The following YIPF5 variants were observed in gnomAD, a reference collection of about 807,000 sequenced individuals.
YIPF5 encodes the protein protein YIPF5.
Under a neutral mutation model 30.4 loss-of-function variants are expected in YIPF5, and 8 were observed. The observed-to-expected ratio is 0.26, with a 90% CI of 0.15 to 0.47. YIPF5 has a LOEUF of 0.47. Among genes scored for constraint, YIPF5 ranks in the 20% least tolerant of loss-of-function variants. The probability of loss-of-function intolerance (pLI) is 0.99; values close to 1 mark genes in which losing one functional copy is unlikely to be tolerated. For missense variants in YIPF5, 282 were observed against 301.8 expected (o/e 0.93, Z 0.49); for synonymous variants, 104 against 107.9 (o/e 0.96, Z 0.23).
At chr5:144,160,886 C>T (rs1752019604) in intron 5 of YIPF5, among the ~76,000 whole-genome samples, 1 of 152,234 alleles carries the variant, frequency 6.6e-6, no homozygotes, top group South Asian at 2.1e-4. Flanking sequence ...TGTGCACTGT[C>T]AGAATGTTCA....
At chr5:144,161,349 T>C (rs1475743113) in intron 5 of YIPF5, among the ~76,000 whole-genome samples, 7 of 143,928 alleles carry the variant, frequency 4.9e-5, no homozygotes, top group Admixed American at 1.4e-4. Context: ...TTTTTTTTTT[T>C]TTTTTTTTTT....
At chr5:144,170,179 C>T in intron 1 of YIPF5, 1 of 545,490 alleles carries the variant, frequency 1.8e-6, no homozygotes. Context: ...AGTAAGACAA[C>T]TCCACCTTAA....
rs757568406 is a variant in YIPF5 at position 144,162,280 on chromosome 5, G to A, written c.549C>T (p.Val183=). The change falls in exon 5 of 6, where the codon GTC becomes GTT. Residue 183 remains valine (V), a synonymous_variant. Transcript: ENST00000274496. ...TGVSFGCVAS[V]LGYCLLPMIL... ...TCATGGGCAGAAGACAATATCCAAGGACACTTGCCACACAACCAAATGAAA... is the reference window on the plus strand; with the variant it reads ...TCATGGGCAGAAGACAATATCCAAGAACACTTGCCACACAACCAAATGAAA... The A allele has an allele frequency of 6.2e-7, 1 of 1,613,966 alleles. No homozygotes were observed. Among genetic ancestry groups the A allele is most frequent in the Non-Finnish European group, 8.5e-7 (1 of 1,179,956 alleles).
chr5:144,159,522 G>C lies in YIPF5; in HGVS notation c.*875C>G, dbSNP rs915125493. On this transcript the variant is annotated 3_prime_UTR_variant, in exon 6 of 6. Coordinates refer to ENST00000274496, the MANE Select transcript of YIPF5 (RefSeq NM_030799.9). ...CAATAAGGTAGATTGTGAACTTCCC[G>C]TATCTCTGAATTTTAGCAAAAATTC... 2 of 985,254 alleles carry C rather than the reference G, an allele frequency of 2.0e-6. No individual in the cohort carries two copies. Among genetic ancestry groups the C allele is most frequent in the Non-Finnish European group, 1.2e-6 (1 of 829,902 alleles). 61.0% of individuals were successfully genotyped at this position (985,254 alleles called of 1,614,324 possible).
At position 144,159,483 on chromosome 5, in the gene YIPF5, G is replaced by A. The variant is rs1482448452; in HGVS notation, c.*914C>T. On this transcript the variant is annotated 3_prime_UTR_variant, in exon 6 of 6. Transcript: ENST00000274496. Reference sequence around the variant, plus strand: ...AACATTAATATGTAAGTAAGTGTTCGCATTTCATGTCTACAATAAGGTAGA... The same window carrying A: ...AACATTAATATGTAAGTAAGTGTTCACATTTCATGTCTACAATAAGGTAGA... The A allele has an allele frequency of 2.5e-5, 25 of 983,028 alleles. No homozygotes were observed. Among genetic ancestry groups the A allele is most frequent in the African/African-American group, 2.5e-4 (14 of 56,752 alleles). The allele number at this position is 983,028 out of a possible 1,614,324, so 60.9% of individuals were successfully genotyped here. A position where few individuals can be genotyped will look rare whatever the true frequency, so the allele number is the denominator to read the frequency against.
intron 5 of YIPF5, among the ~76,000 whole-genome samples, chr5:144,160,929 A>G (rs1023294962): frequency 6.6e-6 from 1 of 152,194 alleles, no homozygotes; most frequent in African/African-American, 2.4e-5. Flanking sequence ...ATAAGATATA[A>G]GTAGCACCCT....
At chr5:144,167,033 T>C (rs73297294) in intron 2 of YIPF5, among the ~76,000 whole-genome samples, 6 of 152,302 alleles carry the variant, frequency 3.9e-5, no homozygotes, top group Non-Finnish European at 7.4e-5. Context: ...TATCTTAGTA[T>C]TGTTATGAAA....
rs1411937979 is a variant in YIPF5, at chr5:144,160,181, C to T, written c.*216G>A. On this transcript the variant is annotated 3_prime_UTR_variant, in exon 6 of 6. Transcript: ENST00000274496. Reference sequence around the variant, plus strand: ...ATAGCATTTCTTATCTGTATAAACACAAACATTTAAAGCTAGTCACACCGC... The same window carrying T: ...ATAGCATTTCTTATCTGTATAAACATAAACATTTAAAGCTAGTCACACCGC... 7.8e-7 allele frequency: 1 copy of T among 1,281,642 alleles called. No individual in the cohort carries two copies. Among genetic ancestry groups the T allele is most frequent in the Non-Finnish European group, 9.8e-7 (1 of 1,016,416 alleles). 79.4% of individuals were successfully genotyped at this position (1,281,642 alleles called of 1,614,324 possible). A position where few individuals can be genotyped will look rare whatever the true frequency, so the allele number is the denominator to read the frequency against.
intron 2 of YIPF5, among the ~76,000 whole-genome samples, chr5:144,167,460 C>G (rs1752232829): frequency 6.6e-6 from 1 of 151,958 alleles, no homozygotes; most frequent in Admixed American, 6.6e-5. Flanking sequence ...CATGGAAAAC[C>G]TCAGATATTC....
intron 2 of YIPF5, among the ~76,000 whole-genome samples, chr5:144,168,785 C>T (rs1297249130): frequency 2.0e-5 from 3 of 152,142 alleles, no homozygotes; most frequent in Non-Finnish European, 4.4e-5. Context: ...TACAGAGCCA[C>T]AGTGAATTTG....
intron 2 of YIPF5, among the ~76,000 whole-genome samples, chr5:144,168,763 G>A (rs541378959): frequency 2.0e-5 from 3 of 152,268 alleles, no homozygotes; most frequent in African/African-American, 7.2e-5. Flanking sequence ...GCCTAACCAA[G>A]ACAGACACTA....
In YIPF5 at chr5:144,160,179, C is replaced by T. The variant is rs942298583; in HGVS notation, c.*218G>A. The T allele has an allele frequency of 7.8e-7, 1 of 1,277,168 alleles. No individual in the cohort carries two copies. Among genetic ancestry groups the T allele is most frequent in the Non-Finnish European group, 9.9e-7 (1 of 1,013,648 alleles). The allele number at this position is 1,277,168 out of a possible 1,614,324, so 79.1% of individuals were successfully genotyped here. ...AAATAGCATTTCTTATCTGTATAAA[C>T]ACAAACATTTAAAGCTAGTCACACC... On this transcript the variant is annotated 3_prime_UTR_variant, in exon 6 of 6. Transcript: ENST00000274496.
In YIPF5 at chr5:144,159,745, C is replaced by A. The variant is rs1429270469; in HGVS notation, c.*652G>T. 8.6e-6 allele frequency: 8 copies of A among 930,176 alleles called. No homozygotes were observed. Among genetic ancestry groups the A allele is most frequent in the Non-Finnish European group, 8.9e-6 (7 of 782,400 alleles). 57.6% of individuals were successfully genotyped at this position (930,176 alleles called of 1,614,324 possible). On this transcript the variant is annotated 3_prime_UTR_variant, in exon 6 of 6. Transcript: ENST00000274496. ...TTTGAGACAGAGTCTCACCCTGTCA[C>A]CCAGGCTGGATGGAGTGCAGTGGTG... is the stretch of plus-strand genomic sequence containing the variant.
chr5:144,165,733 T>C (rs1017081704), intron 2 of YIPF5, 129 bp from the exon 3 acceptor site: 1 of 855,486 alleles, frequency 1.2e-6, no homozygotes, highest in African/African-American at 1.7e-5. Context: ...GTACAAACTT[T>C]GCCAATTTTT....
chr5:144,170,351 G>A, intron 1 of YIPF5, 184 bp downstream of exon 1: 1 of 194,288 alleles, frequency 5.1e-6, no homozygotes, highest in Non-Finnish European at 1.1e-5. Context: ...CGGCCTGCCA[G>A]GAAAAAGTGC....
In YIPF5 at chr5:144,158,997, C is replaced by A. The variant is rs548958928; in HGVS notation, c.*1400G>T. The stretch of plus-strand genomic sequence containing the variant: ...ACTGAGCTTTGTCCAGAATCAGAGA[C>A]AGTTTTTCTAGAAAAAGCCAATGAT... On this transcript the variant is annotated 3_prime_UTR_variant, in exon 6 of 6. Coordinates refer to ENST00000274496, the MANE Select transcript of YIPF5 (RefSeq NM_030799.9). The A allele has an allele frequency of 2.0e-6, 2 of 984,066 alleles. No homozygotes were observed. Among genetic ancestry groups the A allele is most frequent in the African/African-American group, 3.5e-5 (2 of 56,904 alleles). 61.0% of individuals were successfully genotyped at this position (984,066 alleles called of 1,614,324 possible).
chr5:144,167,859 T>A (rs1336387424), intron 2 of YIPF5, among the ~76,000 whole-genome samples: 1 of 152,230 alleles, frequency 6.6e-6, no homozygotes, highest in Non-Finnish European at 1.5e-5. Flanking sequence ...TATTAGCGGA[T>A]CTTTGTTACT....
At chr5:144,164,286 T>C (rs773306442) in intron 3 of YIPF5, 30 bp from the exon 4 acceptor site, 1 of 1,582,658 alleles carries the variant, frequency 6.3e-7, no homozygotes, top group Non-Finnish European at 8.6e-7. Context: ...AAAAGTTAAT[T>C]AGGATTTGTG....
In YIPF5 at chr5:144,160,413, A is replaced by T; in HGVS notation, c.758T>A (p.Leu253Gln). 6.2e-7 allele frequency: 1 copy of T among 1,612,090 alleles called. No homozygotes were observed. Among genetic ancestry groups the T allele is most frequent in the Admixed American group, 1.7e-5 (1 of 59,860 alleles). ...PCALLYGVFA[L>Q]ISVF ...GATAAATTTTCAAAAGACGGAAATC[A>T]GGGCAAAGACTCCATATAACAAAGC... Residue 253 changes from leucine (L) to glutamine (Q), a missense_variant, in exon 6 of 6, where the codon CTG becomes CAG. Coordinates refer to ENST00000274496, the MANE Select transcript of YIPF5 (RefSeq NM_030799.9).
Sources: allele counts gnomAD v4.1 joint callset (sites outside exome capture counted in the v4.1 genomes callset), GRCh38; gene constraint gnomAD v4.1.1; transcripts MANE v1.5; gene names NCBI Gene and HGNC (gene_info 2026-07-23, HGNC 2026-07-21).